KIAA1217: variants seen among roughly 807,000 people sequenced by gnomAD.
KIAA1217 encodes the protein sickle tail protein homolog.
KIAA1217 carries 88 observed loss-of-function variants against 163.9 expected under a neutral mutation model. The ratio of observed to expected loss-of-function variants is 0.54; its 90% CI spans 0.45 to 0.64. The LOEUF (loss-of-function observed/expected upper bound fraction) is 0.64, where lower values mean the gene tolerates loss of function less well. Ranked by LOEUF, KIAA1217 falls within the 30% of genes least tolerant of loss-of-function variation. KIAA1217 has a pLI of 0.00. For synonymous variants in KIAA1217, 903 were observed against 923.1 expected (o/e 0.98, Z 0.39); for missense variants, 2,372 against 2,475.0 (o/e 0.96, Z 0.88).
Position 24,219,723 on chromosome 10 carries a change from T to G in KIAA1217, c.168T>G (p.Val56=). ...RLSNGNSRGS[V]SKSSRNIPRR... is the part of the protein sequence containing the mutation. The stretch of plus-strand genomic sequence containing the variant: ...CTAATGGAAACAGTCGTGGTTCAGT[T>G]TCCAAGTCTTCCCGCAATATCCCAA... Residue 56 remains valine, a synonymous_variant, in exon 2 of 21, where the codon GTT becomes GTG. Coordinates refer to ENST00000376454, the MANE Select transcript of KIAA1217 (RefSeq NM_019590.5). The G allele has an allele frequency of 6.2e-7, 1 of 1,613,974 alleles. No homozygotes were observed. The highest frequency in any genetic ancestry group is 8.5e-7 in the Non-Finnish European group (1 of 1,179,934).
At chr10:23,817,080 C>CA in intron 1 of KIAA1217, among the ~76,000 whole-genome samples, 1 of 151,898 alleles carries the variant, frequency 6.6e-6, no homozygotes. Context: ...TTTCCCCTTG[C>CA]AAAAAAGGCA....
At chr10:24,025,823 C>T (rs1295117402) in intron 2 of KIAA1217, among the ~76,000 whole-genome samples, 1 of 151,692 alleles carries the variant, frequency 6.6e-6, no homozygotes, top group Non-Finnish European at 1.5e-5. Flanking sequence ...TACTAAAATA[C>T]AGAAATACAA....
intron 2 of KIAA1217, among the ~76,000 whole-genome samples, chr10:24,030,415 C>T (rs903507232): frequency 6.6e-6 from 1 of 152,098 alleles, no homozygotes; most frequent in South Asian, 2.1e-4. Flanking sequence ...CTGCCTCTCT[C>T]CTGCCAACAC....
At chr10:23,904,818 CAA>C (rs1842085900) in intron 1 of KIAA1217, among the ~76,000 whole-genome samples, 1 of 152,044 alleles carries the variant, frequency 6.6e-6, no homozygotes, top group Non-Finnish European at 1.5e-5. Context: ...TTTAATCTTT[CAA>C]AGAGCTCTAT....
chr10:24,404,588 A>C (rs1190628945), intron 3 of KIAA1217, among the ~76,000 whole-genome samples: 1 of 150,856 alleles, frequency 6.6e-6, no homozygotes, highest in African/African-American at 2.4e-5. Context: ...AAAAAAAAAA[A>C]AAAAACTGAA....
rs370210094 is a variant in KIAA1217 at position 24,527,904 on chromosome 10, C to T, written c.2899-32C>T. On this transcript the variant is annotated intron_variant, in intron 13 of 20. Coordinates refer to ENST00000376454, the MANE Select transcript of KIAA1217 (RefSeq NM_019590.5). ...TCCGTTGTTCTCCTCTATGTGTCCA[C>T]GTAACTTCCTTTACGTGCTATATTC... 43 of 1,579,922 alleles carry T rather than the reference C, an allele frequency of 2.7e-5. No homozygotes were observed. In the African/African-American group the frequency reaches 3.8e-4, roughly 14 times the overall value.
At chr10:24,394,365 A>G (rs923143384) in intron 3 of KIAA1217, among the ~76,000 whole-genome samples, 6 of 152,176 alleles carry the variant, frequency 3.9e-5, no homozygotes, top group African/African-American at 1.2e-4. Flanking sequence ...ACATCTCCCT[A>G]TAATATAAAG....
intron 1 of KIAA1217, among the ~76,000 whole-genome samples, chr10:23,951,440 G>T (rs185018621): frequency 6.6e-6 from 1 of 152,256 alleles, no homozygotes; most frequent in Non-Finnish European, 1.5e-5. Context: ...GATTGCTTGA[G>T]CCCAGGAGAT....
At chr10:23,948,111 C>A (rs1293240478) in intron 1 of KIAA1217, among the ~76,000 whole-genome samples, 2 of 152,088 alleles carry the variant, frequency 1.3e-5, no homozygotes, top group Non-Finnish European at 2.9e-5. Flanking sequence ...GTGTTTATTG[C>A]ACCAGTGGGA....
intron 1 of KIAA1217, among the ~76,000 whole-genome samples, chr10:23,790,661 ACATATATAT>A (rs1450239117): frequency 1.5e-5 from 2 of 137,580 alleles, no homozygotes; most frequent in Non-Finnish European, 3.0e-5. Flanking sequence ...GTATATATAT[ACATATATAT>A]CATATATATA....
intron 2 of KIAA1217, among the ~76,000 whole-genome samples, chr10:24,328,810 C>T (rs2045283246): frequency 6.6e-6 from 1 of 151,838 alleles, no homozygotes. Flanking sequence ...ATACCTACTA[C>T]CATTCTGCTG....
chr10:23,763,645 C>T (rs1294804195), intron 1 of KIAA1217, among the ~76,000 whole-genome samples: 1 of 152,002 alleles, frequency 6.6e-6, no homozygotes, highest in Non-Finnish European at 1.5e-5. Flanking sequence ...CCATAAAAAC[C>T]CTAGAAGAAA....
Position 24,271,178 on chromosome 10 carries a change from C to T in KIAA1217, c.354+51269C>T, listed in dbSNP as rs537431869. On this transcript the variant is annotated intron_variant, in intron 2 of 20. Transcript: ENST00000376454. ...GCATCAAAGTTATTTTTCTAAGTGC[C>T]ATTCAATTTGGGACTTATTTTCTAT... Among the ~76,000 whole-genome samples the T allele has an allele frequency of 2.6e-5, 4 of 152,132 alleles. No homozygotes were observed. The South Asian group carries it at 6.2e-4, about 24-fold the overall frequency.
At chr10:24,446,445 G>A (rs904918352) in intron 5 of KIAA1217, among the ~76,000 whole-genome samples, 2 of 152,114 alleles carry the variant, frequency 1.3e-5, no homozygotes, top group African/African-American at 2.4e-5. Context: ...TGCCCATTTA[G>A]TATGTGTGTC....
At chr10:24,264,294 T>A (rs961224925) in intron 2 of KIAA1217, among the ~76,000 whole-genome samples, 15 of 152,172 alleles carry the variant, frequency 9.9e-5, no homozygotes. Context: ...ATTCTTTTCC[T>A]GGTTTTGTTG....
chr10:24,534,205 T>C (rs939643259), intron 16 of KIAA1217, among the ~76,000 whole-genome samples: 6 of 152,244 alleles, frequency 3.9e-5, no homozygotes, highest in Admixed American at 3.3e-4. Context: ...TGGTAATAAC[T>C]GCCAAAATTG....
At position 23,842,393 on chromosome 10, in the gene KIAA1217, T is replaced by A. The variant is rs185977163; in HGVS notation, c.-321+147159T>A. ...ATTTTCACTTTTGGGCCAACCACAG[T>A]CATTATACAGATAAGTCGGAAAAAA... On this transcript the variant is annotated intron_variant, in intron 1 of 18. Coordinates refer to the KIAA1217 transcript ENST00000376462. Among the ~76,000 whole-genome samples the A allele has an allele frequency of 1.8e-3, 268 of 152,244 alleles. 1 individual carries two copies. Among genetic ancestry groups the A allele is most frequent in the African/African-American group, 6.2e-3 (256 of 41,554 alleles).
At chr10:24,201,599 C>T (rs2067257339) in intron 2 of KIAA1217, among the ~76,000 whole-genome samples, 1 of 152,096 alleles carries the variant, frequency 6.6e-6, no homozygotes, top group Admixed American at 6.6e-5. Flanking sequence ...ATGCCAGCAC[C>T]CCCTCTACCC....
At chr10:24,215,012 T>C (rs2068633885) in intron 1 of KIAA1217, among the ~76,000 whole-genome samples, 1 of 152,224 alleles carries the variant, frequency 6.6e-6, no homozygotes, top group Non-Finnish European at 1.5e-5. Flanking sequence ...GGACTTGCAG[T>C]GCGGCTTTCT....
Sources: allele counts gnomAD v4.1 joint callset (sites outside exome capture counted in the v4.1 genomes callset), GRCh38; gene constraint gnomAD v4.1.1; transcripts MANE v1.5; gene names NCBI Gene and HGNC (gene_info 2026-07-23, HGNC 2026-07-21).